The following DOK6 variants were observed in gnomAD, a reference collection of about 807,000 sequenced individuals.
The protein encoded by DOK6 is docking protein 6.
A neutral mutation model predicts 44.0 loss-of-function variants in DOK6; 22 were observed. That is an observed-to-expected ratio of 0.50 (90% confidence interval 0.36 to 0.71). The LOEUF is 0.71. Ranked by LOEUF, DOK6 falls within the 30% of genes least tolerant of loss-of-function variation. DOK6 has a pLI of 0.00. For missense variants in DOK6, 340 were observed against 416.4 expected (o/e 0.82, Z 1.60); for synonymous variants, 166 against 145.5 (o/e 1.14, Z -1.01).
chr18:69,702,319 G>C (rs1316556370), intron 5 of DOK6, among the ~76,000 whole-genome samples: 1 of 152,026 alleles, frequency 6.6e-6, no homozygotes, highest in Non-Finnish European at 1.5e-5. Flanking sequence ...GTACACAGTA[G>C]GTTTTTAGAC....
At chr18:69,803,000 A>G (rs984851075) in intron 7 of DOK6, among the ~76,000 whole-genome samples, 6 of 152,152 alleles carry the variant, frequency 3.9e-5, no homozygotes, top group African/African-American at 1.4e-4. Context: ...AATAACTTTA[A>G]AAATGGAAGA....
chr18:69,642,556 TGATTTA>T (rs1984969656), intron 3 of DOK6, among the ~76,000 whole-genome samples: 2 of 152,208 alleles, frequency 1.3e-5, no homozygotes, highest in Admixed American at 1.3e-4. Flanking sequence ...TAGTCTCCTT[TGATTTA>T]GATTAATTTA....
intron 3 of DOK6, among the ~76,000 whole-genome samples, chr18:69,669,857 C>T (rs1428858053): frequency 6.6e-6 from 1 of 152,182 alleles, no homozygotes; most frequent in Non-Finnish European, 1.5e-5. Context: ...TCATACATCA[C>T]ATCCCATTAA....
At chr18:69,646,513 T>C (rs1985077808) in intron 3 of DOK6, among the ~76,000 whole-genome samples, 1 of 152,224 alleles carries the variant, frequency 6.6e-6, no homozygotes, top group Non-Finnish European at 1.5e-5. Context: ...TACTGTGTTT[T>C]TCAAAATCTT....
chr18:69,808,820 T>G (rs915231344), intron 7 of DOK6, among the ~76,000 whole-genome samples: 1 of 151,824 alleles, frequency 6.6e-6, no homozygotes, highest in Non-Finnish European at 1.5e-5. Flanking sequence ...GTGAAAACCC[T>G]AGGACCTGAT....
chr18:69,517,783 C>A (rs1486140140), intron 1 of DOK6, among the ~76,000 whole-genome samples: 2 of 151,252 alleles, frequency 1.3e-5, no homozygotes, highest in Non-Finnish European at 2.9e-5. Flanking sequence ...GTGTTCCAAG[C>A]AGCAAATGAC....
At chr18:69,676,808 G>T (rs1599257796) in intron 3 of DOK6, among the ~76,000 whole-genome samples, 1 of 152,162 alleles carries the variant, frequency 6.6e-6, no homozygotes, top group Middle Eastern at 3.4e-3. Context: ...CTAACCCTTG[G>T]CTACCTCACT....
At chr18:69,408,708 T>A (rs1454081303) in intron 1 of DOK6, among the ~76,000 whole-genome samples, 1 of 152,166 alleles carries the variant, frequency 6.6e-6, no homozygotes, top group African/African-American at 2.4e-5. Context: ...GACATAGTCA[T>A]GCCTCACATA....
chr18:69,636,485 G>T (rs748346107), intron 3 of DOK6, among the ~76,000 whole-genome samples: 89 of 152,314 alleles, frequency 5.8e-4, no homozygotes, highest in Non-Finnish European at 9.6e-4. Flanking sequence ...TCCAGGCATG[G>T]CTCACAAATA....
At chr18:69,628,356 G>A (rs1470806964) in intron 3 of DOK6, among the ~76,000 whole-genome samples, 2 of 152,108 alleles carry the variant, frequency 1.3e-5, no homozygotes, top group African/African-American at 2.4e-5. Flanking sequence ...CAGGTTTCAT[G>A]GCCCATGCCT....
intron 1 of DOK6, among the ~76,000 whole-genome samples, chr18:69,471,345 G>A (rs946559421): frequency 6.6e-6 from 1 of 151,282 alleles, no homozygotes; most frequent in African/African-American, 2.4e-5. Flanking sequence ...GAAGCCACCG[G>A]TGGATCAGGA....
chr18:69,501,118 A>G (rs546877039), intron 1 of DOK6, among the ~76,000 whole-genome samples: 4 of 152,168 alleles, frequency 2.6e-5, no homozygotes, highest in Non-Finnish European at 5.9e-5. Flanking sequence ...GCATTCTCAT[A>G]TAATACCTAA....
intron 1 of DOK6, among the ~76,000 whole-genome samples, chr18:69,514,478 A>G (rs1599167918): frequency 6.6e-6 from 1 of 152,154 alleles, no homozygotes; most frequent in African/African-American, 2.4e-5. Flanking sequence ...TTAAAAGTCA[A>G]ACTAGTTGAA....
At chr18:69,721,243 T>C (rs1305349860) in intron 5 of DOK6, 1 of 152,208 alleles carries the variant, frequency 6.6e-6, no homozygotes, top group Non-Finnish European at 1.5e-5. Flanking sequence ...AACATATGTG[T>C]TCCTGGCACA....
chr18:69,541,321 T>A lies in DOK6; in HGVS notation c.67-23166T>A, dbSNP rs536106613. On this transcript the variant is annotated intron_variant, in intron 1 of 7. Coordinates refer to ENST00000382713, the MANE Select transcript of DOK6 (RefSeq NM_152721.6). The stretch of plus-strand genomic sequence containing the variant: ...ATGTACTTGCTTGTGATGGGGAAAT[T>A]GATGCCTTATTCATAATGGCTTAAT... Among the ~76,000 whole-genome samples the A allele has an allele frequency of 7.3e-5, 11 of 151,560 alleles. No homozygotes were observed. In the South Asian group the frequency reaches 2.3e-3, roughly 32 times the overall value.
chr18:69,771,269 A>G (rs529979535), intron 7 of DOK6, among the ~76,000 whole-genome samples: 2 of 152,098 alleles, frequency 1.3e-5, no homozygotes, highest in East Asian at 3.9e-4. Context: ...AAATTCATAT[A>G]TGTATTTATA....
chr18:69,406,525 A>C (rs2122382667), intron 1 of DOK6, among the ~76,000 whole-genome samples: 1 of 152,336 alleles, frequency 6.6e-6, no homozygotes, highest in Non-Finnish European at 1.5e-5. Flanking sequence ...TTCACATCTC[A>C]GTTTTTATCT....
intron 7 of DOK6, among the ~76,000 whole-genome samples, chr18:69,761,350 A>G (rs990213493): frequency 6.6e-6 from 1 of 152,080 alleles, no homozygotes; most frequent in Admixed American, 6.6e-5. Context: ...TTATTACTTT[A>G]CCAAAACAGT....
chr18:69,735,586 A>C (rs1480459427), intron 5 of DOK6, among the ~76,000 whole-genome samples: 1 of 152,220 alleles, frequency 6.6e-6, no homozygotes, highest in East Asian at 1.9e-4. Context: ...AAACCAGAGA[A>C]GCTCCCCTGA....
Sources: allele counts gnomAD v4.1 joint callset (sites outside exome capture counted in the v4.1 genomes callset), GRCh38; gene constraint gnomAD v4.1.1; transcripts MANE v1.5; gene names NCBI Gene and HGNC (gene_info 2026-07-23, HGNC 2026-07-21).